DNAH11: variants seen among roughly 807,000 people sequenced by gnomAD.
DNAH11 encodes the protein dynein axonemal heavy chain 11, also known as axonemal beta dynein heavy chain 11.
A neutral mutation model predicts 526.0 loss-of-function variants in DNAH11; 442 were observed. The ratio of observed to expected loss-of-function variants is 0.84; its 90% CI spans 0.78 to 0.91. The LOEUF (loss-of-function observed/expected upper bound fraction) is 0.91. Among genes scored for constraint, DNAH11 ranks in the 40% least tolerant of loss-of-function variants. The pLI is 0.00. For missense variants in DNAH11, 6,989 were observed against 5,448.7 expected (o/e 1.28, Z -8.90); for synonymous variants, 2,461 against 1,935.9 (o/e 1.27, Z -7.12).
chr7:21,827,678 A>G (rs1790365903), intron 65 of DNAH11, among the ~76,000 whole-genome samples: 1 of 148,262 alleles, frequency 6.7e-6, no homozygotes, highest in Admixed American at 6.8e-5. Context: ...ATAGAGGGAG[A>G]TGGCATTTTA....
At chr7:21,686,313 G>C (rs990289050) in intron 32 of DNAH11, among the ~76,000 whole-genome samples, 1 of 152,088 alleles carries the variant, frequency 6.6e-6, no homozygotes, top group South Asian at 2.1e-4. Flanking sequence ...TTAGTCTCTC[G>C]TCTCCTGACC....
At chr7:21,850,726 G>C (rs945878050) in intron 66 of DNAH11, among the ~76,000 whole-genome samples, 6 of 149,960 alleles carry the variant, frequency 4.0e-5, no homozygotes, top group African/African-American at 1.5e-4. Flanking sequence ...GAGGTTTAGT[G>C]TGAGGTTTTA....
At chr7:21,662,741 T>G (rs1782285115) in intron 30 of DNAH11, among the ~76,000 whole-genome samples, 1 of 152,124 alleles carries the variant, frequency 6.6e-6, no homozygotes, top group Non-Finnish European at 1.5e-5. Flanking sequence ...GTCCTTTGAC[T>G]AATAGCTCCC....
intron 25 of DNAH11, among the ~76,000 whole-genome samples, chr7:21,629,181 ATGT>A (rs1302793144): frequency 1.3e-5 from 2 of 152,100 alleles, no homozygotes; most frequent in African/African-American, 4.8e-5. Context: ...GGTTAGGAGC[ATGT>A]TGTTTAATTT....
intron 20 of DNAH11, among the ~76,000 whole-genome samples, chr7:21,612,949 CAACATTCATTCATGATAGA>C (rs1180639132): frequency 6.6e-6 from 1 of 152,118 alleles, no homozygotes; most frequent in East Asian, 1.9e-4. Context: ...AGCTATCATT[CAACATTCATTCATGATAGA>C]AACACTTAGC....
chr7:21,891,110 C>T (rs1784310651), intron 76 of DNAH11, among the ~76,000 whole-genome samples: 1 of 152,180 alleles, frequency 6.6e-6, no homozygotes, highest in African/African-American at 2.4e-5. Context: ...CCTCTTTAGA[C>T]TCTGAGTTCC....
chr7:21,650,684 G>T (rs1332699593), intron 28 of DNAH11, among the ~76,000 whole-genome samples: 34 of 151,158 alleles, frequency 2.2e-4, no homozygotes, highest in African/African-American at 6.6e-4. Context: ...TTGTCTCCCA[G>T]GCTGGAGTGC....
chr7:21,615,092 G>C, intron 20 of DNAH11, 22 bp from the exon 21 acceptor site: 2 of 1,585,036 alleles, frequency 1.3e-6, no homozygotes, highest in Admixed American at 1.8e-5. Flanking sequence ...TTTGTATGCA[G>C]GTGTTTATGT....
chr7:21,894,827 A>G, intron 78 of DNAH11, 22 bp downstream of exon 78: 1 of 1,610,838 alleles, frequency 6.2e-7, no homozygotes, highest in East Asian at 2.2e-5. Context: ...GTGAGGCTAT[A>G]GTAGACTTCA....
At chr7:21,626,251 A>G (rs1288185050) in intron 25 of DNAH11, among the ~76,000 whole-genome samples, 1 of 152,184 alleles carries the variant, frequency 6.6e-6, no homozygotes, top group African/African-American at 2.4e-5. Flanking sequence ...ACTTAACATA[A>G]TGTCCTCTAG....
chr7:21,571,985 C>T lies in DNAH11; in HGVS notation c.1593+12C>T, dbSNP rs764206015. 8 of 1,503,466 alleles carry T rather than the reference C, an allele frequency of 5.3e-6. No individual in the cohort carries two copies. Among genetic ancestry groups the T allele is most frequent in the Admixed American group, 2.3e-5 (1 of 44,064 alleles). 93.1% of individuals were successfully genotyped at this position (1,503,466 alleles called of 1,614,324 possible). On this transcript the variant is annotated intron_variant, in intron 8 of 81. Transcript: ENST00000409508. The stretch of plus-strand genomic sequence containing the variant: ...ATTGCACTAACATGGTAATGTTGTA[C>T]CTTTGCATTTTCATTGCATGGGATC...
At chr7:21,717,201 TACACAC>T (rs3061388) in intron 42 of DNAH11, among the ~76,000 whole-genome samples, 5 of 150,126 alleles carry the variant, frequency 3.3e-5, no homozygotes, top group African/African-American at 9.8e-5. Flanking sequence ...TGTTTCAGAT[TACACAC>T]ACACACACAC....
chr7:21,727,156 A>G (rs1012437724), intron 45 of DNAH11, among the ~76,000 whole-genome samples: 7 of 151,678 alleles, frequency 4.6e-5, no homozygotes, highest in Admixed American at 4.6e-4. Context: ...GATGATCTCG[A>G]TCTCCTGACC....
intron 73 of DNAH11, 40 bp from the exon 74 acceptor site, chr7:21,873,234 C>G (rs1205388116): frequency 1.2e-5 from 17 of 1,438,088 alleles, no homozygotes; most frequent in Non-Finnish European, 1.6e-5. Flanking sequence ...AAGTAATATG[C>G]CTCACCTTCA....
chr7:21,621,323 A>G (rs1393706477), intron 25 of DNAH11, among the ~76,000 whole-genome samples: 3 of 152,218 alleles, frequency 2.0e-5, no homozygotes, highest in Non-Finnish European at 4.4e-5. Context: ...AATTGTGGCA[A>G]TAATCAATAG....
At chr7:21,669,929 C>G (rs564259866) in intron 30 of DNAH11, among the ~76,000 whole-genome samples, 1 of 152,164 alleles carries the variant, frequency 6.6e-6, no homozygotes, top group South Asian at 2.1e-4. Context: ...TCTTAATTAC[C>G]ATAGCTTTGT....
At chr7:21,569,391 C>T (rs142698641) in intron 6 of DNAH11, among the ~76,000 whole-genome samples, 1 of 152,244 alleles carries the variant, frequency 6.6e-6, no homozygotes, top group Non-Finnish European at 1.5e-5. Flanking sequence ...ATGTTTATAC[C>T]AAATATGAAG....
intron 69 of DNAH11, among the ~76,000 whole-genome samples, chr7:21,862,933 A>G (rs1386496388): frequency 4.6e-5 from 7 of 152,024 alleles, no homozygotes; most frequent in African/African-American, 9.7e-5. Context: ...GCGTGGTGGC[A>G]GGCACCTGTA....
rs527902743 is a variant in DNAH11 at position 21,738,929 on chromosome 7, C to T, written c.7811+63C>T. The T allele has an allele frequency of 8.7e-6, 11 of 1,262,990 alleles. 1 individual carries two copies. In the East Asian group the frequency reaches 1.6e-4, roughly 18 times the overall value. 78.2% of individuals were successfully genotyped at this position (1,262,990 alleles called of 1,614,324 possible). On this transcript the variant is annotated intron_variant, in intron 47 of 81. Coordinates refer to ENST00000409508, the MANE Select transcript of DNAH11 (RefSeq NM_001277115.2). ...TAATAATTATTATGGATAATAATTA[C>T]TATGGATGAATAATTATTATGAATA...
Sources: allele counts gnomAD v4.1 joint callset (sites outside exome capture counted in the v4.1 genomes callset), GRCh38; gene constraint gnomAD v4.1.1; transcripts MANE v1.5; gene names NCBI Gene and HGNC (gene_info 2026-07-23, HGNC 2026-07-21).